EXTL3: variants seen among roughly 807,000 people sequenced by gnomAD.
EXTL3 encodes the protein exostosin-like 3.
A neutral mutation model predicts 69.3 loss-of-function variants in EXTL3; 27 were observed. That is an observed-to-expected ratio of 0.39 (90% confidence interval 0.29 to 0.54). EXTL3 has a LOEUF of 0.54. EXTL3 is among the 20% of genes least tolerant of loss of function. The pLI is 0.69. For missense variants in EXTL3, 1,003 were observed against 1,231.8 expected, an observed-to-expected ratio of 0.81 and a Z score of 2.78; for synonymous variants, 511 against 499.4, an observed-to-expected ratio of 1.02 and a Z score of -0.31.
intron 1 of EXTL3, among the ~76,000 whole-genome samples, chr8:28,655,731 C>G (rs946274001): frequency 6.6e-6 from 1 of 152,040 alleles, no homozygotes; most frequent in African/African-American, 2.4e-5. Flanking sequence ...TGGGCTCAAG[C>G]GATCCACCAG....
At chr8:28,747,736 T>C (rs1285620068) in intron 6 of EXTL3, among the ~76,000 whole-genome samples, 2 of 143,278 alleles carry the variant, frequency 1.4e-5, no homozygotes, top group East Asian at 1.9e-4. Context: ...TTCTTTTTTT[T>C]TTTTTTTTTT....
At position 28,668,866 on chromosome 8, in the gene EXTL3, T is replaced by TCTTATTTTTTTTA. The variant is rs1491392810; in HGVS notation, c.-52-44591_-52-44590insCTTATTTTTTTTA. ...CCCCTGCCTCCTTTGATAGAATCTC[T>TCTTATTTTTTTTA]TTTTTTTTTTTTTTTGAGACAGAGT... On this transcript the variant is annotated intron_variant, in intron 1 of 6. Coordinates refer to the EXTL3 transcript ENST00000523149. Among the ~76,000 whole-genome samples, 3 of 23,238 alleles carry TCTTATTTTTTTTA rather than the reference T, an allele frequency of 1.3e-4. No individual in the cohort carries two copies. In the African/African-American group the frequency reaches 1.4e-3, roughly 11 times the overall value. 15.2% of individuals were successfully genotyped at this position (23,238 alleles called of 152,430 possible).
At chr8:28,645,168 C>T (rs1806808552) in intron 1 of EXTL3, among the ~76,000 whole-genome samples, 1 of 151,966 alleles carries the variant, frequency 6.6e-6, no homozygotes, top group Non-Finnish European at 1.5e-5. Flanking sequence ...GTACTTGACA[C>T]TAAAAAAGAA....
At chr8:28,707,375 T>A (rs1461967218) in intron 1 of EXTL3, among the ~76,000 whole-genome samples, 2 of 152,234 alleles carry the variant, frequency 1.3e-5, no homozygotes, top group Admixed American at 6.5e-5. Flanking sequence ...TACTCCCATG[T>A]GGCTGATGAA....
At chr8:28,735,456 T>C (rs1487961806) in intron 4 of EXTL3, among the ~76,000 whole-genome samples, 1 of 152,182 alleles carries the variant, frequency 6.6e-6, no homozygotes, top group Non-Finnish European at 1.5e-5. Context: ...TCCAGCAGAT[T>C]TGCAGGTGGT....
In EXTL3 at chr8:28,702,459, TGC is replaced by T. The variant is rs1563209230; in HGVS notation, c.-570+801_-570+802del. Among the ~76,000 whole-genome samples the T allele has an allele frequency of 3.7e-3, 561 of 152,370 alleles. 3 individuals are homozygous for T. The highest frequency in any genetic ancestry group is 0.013 in the African/African-American group (520 of 41,600). ...GGGCTGCCCGGCTGCTGATGGGTGC[TGC>T]TTTCTCTTCCCCACATTGAGCGAGA... On this transcript the variant is annotated intron_variant, in intron 1 of 6. Coordinates refer to ENST00000220562, the MANE Select transcript of EXTL3 (RefSeq NM_001440.4).
At chr8:28,668,651 A>G (rs1400312166) in intron 1 of EXTL3, among the ~76,000 whole-genome samples, 2 of 151,940 alleles carry the variant, frequency 1.3e-5, no homozygotes, top group African/African-American at 4.8e-5. Flanking sequence ...GTTGTTAACT[A>G]TTGATGTTAT....
chr8:28,728,294 G>A (rs528644216), intron 3 of EXTL3, among the ~76,000 whole-genome samples: 2 of 152,228 alleles, frequency 1.3e-5, no homozygotes, highest in African/African-American at 4.8e-5. Context: ...GCCCTTTGGC[G>A]AGTGGAACCG....
chr8:28,681,807 A>G (rs1277248673), intron 1 of EXTL3, among the ~76,000 whole-genome samples: 3 of 152,142 alleles, frequency 2.0e-5, no homozygotes, highest in Non-Finnish European at 4.4e-5. Flanking sequence ...TAATCCCAGC[A>G]CTTTAGGAGG....
intron 4 of EXTL3, among the ~76,000 whole-genome samples, chr8:28,732,812 C>T (rs1218616780): frequency 6.6e-6 from 1 of 152,198 alleles, no homozygotes; most frequent in African/African-American, 2.4e-5. Context: ...CAACCTCTGC[C>T]TCCCAGGTTC....
chr8:28,686,741 G>A (rs575173613), intron 1 of EXTL3, among the ~76,000 whole-genome samples: 36 of 152,302 alleles, frequency 2.4e-4, no homozygotes, highest in African/African-American at 8.4e-4. Flanking sequence ...GATAGACCAA[G>A]TAGGTAGATA....
intron 1 of EXTL3, among the ~76,000 whole-genome samples, chr8:28,624,383 G>A (rs906499355): frequency 6.6e-6 from 1 of 152,052 alleles, no homozygotes; most frequent in African/African-American, 2.4e-5. Context: ...GGGCAACATG[G>A]CGAAACCTCA....
At chr8:28,654,745 T>C (rs1296864108) in intron 1 of EXTL3, among the ~76,000 whole-genome samples, 2 of 152,218 alleles carry the variant, frequency 1.3e-5, no homozygotes, top group African/African-American at 2.4e-5. Context: ...TGTTTGACTT[T>C]CTGGAGCCCC....
At chr8:28,698,371 AG>A (rs1160073472), upstream of EXTL3, 1 of 152,222 alleles carries the variant, frequency 6.6e-6, no homozygotes, top group Non-Finnish European at 1.5e-5. Flanking sequence ...CACACGAGTT[AG>A]GAAGATTTGC....
chr8:28,733,044 C>T (rs1180778870), intron 4 of EXTL3, among the ~76,000 whole-genome samples: 1 of 151,978 alleles, frequency 6.6e-6, no homozygotes, highest in African/African-American at 2.4e-5. Context: ...GGTACCAGTT[C>T]TTCATTCATT....
At chr8:28,725,337 C>T (rs115886265) in intron 3 of EXTL3, among the ~76,000 whole-genome samples, 1 of 152,076 alleles carries the variant, frequency 6.6e-6, no homozygotes, top group Non-Finnish European at 1.5e-5. Context: ...CGTCAGGGAG[C>T]CCTGTGTGTG....
In EXTL3 at chr8:28,750,652, T is replaced by A. The variant is rs760455338; in HGVS notation, c.2551-5T>A. 50 of 1,613,334 alleles carry A rather than the reference T, an allele frequency of 3.1e-5. No homozygotes were observed. The highest frequency in any genetic ancestry group is 4.2e-5 in the Non-Finnish European group (49 of 1,179,396). On this transcript the variant is annotated splice_polypyrimidine_tract_variant and splice_region_variant and intron_variant, in intron 6 of 6. Coordinates refer to ENST00000220562, the MANE Select transcript of EXTL3 (RefSeq NM_001440.4). This position sits in a 1 kb window ranked among gnomAD's most constrained non-coding sequence, Gnocchi z 5.2. ...TCCCACTCTGTCTCTCTCTCCCGTT[T>A]CCAGGTGACCTCACGGTGGACATTC... is the stretch of plus-strand genomic sequence containing the variant.
At chr8:28,676,476 G>A (rs187548332) in intron 1 of EXTL3, among the ~76,000 whole-genome samples, 1 of 152,190 alleles carries the variant, frequency 6.6e-6, no homozygotes, top group South Asian at 2.1e-4. Context: ...GTGGGTTTAG[G>A]AGATACTAAG....
chr8:28,726,824 C>A (rs1056406163), intron 3 of EXTL3, among the ~76,000 whole-genome samples: 1 of 150,558 alleles, frequency 6.6e-6, no homozygotes, highest in Non-Finnish European at 1.5e-5. Flanking sequence ...AGCTAACTGA[C>A]AAAACTGTAG....
Sources: allele counts gnomAD v4.1 joint callset (sites outside exome capture counted in the v4.1 genomes callset), GRCh38; gene constraint gnomAD v4.1.1; non-coding constraint Gnocchi (gnomAD v3.1); transcripts MANE v1.5; gene names NCBI Gene and HGNC (gene_info 2026-07-23, HGNC 2026-07-21).